FAM217A: variants seen among roughly 807,000 people sequenced by gnomAD.
FAM217A encodes the protein protein FAM217A.
Under a neutral mutation model 18.5 loss-of-function variants are expected in FAM217A, and 13 were observed. The observed-to-expected ratio is 0.70, with a 90% confidence interval of 0.46 to 1.12. The LOEUF (loss-of-function observed/expected upper bound fraction) is 1.12. Among genes scored for constraint, FAM217A ranks in the 50% most tolerant of loss-of-function variants. The pLI is 0.00. For synonymous variants in FAM217A, 161 were observed against 202.8 expected, an observed-to-expected ratio of 0.79 and a Z score of 1.75; for missense variants, 560 against 575.4, an observed-to-expected ratio of 0.97 and a Z score of 0.27.
At position 4,068,791 on chromosome 6, in the gene FAM217A, C is replaced by G. The variant is rs1226066796; in HGVS notation, c.1432G>C (p.Val478Leu). 3 of 1,614,022 alleles carry G rather than the reference C, an allele frequency of 1.9e-6. No homozygotes were observed. Among genetic ancestry groups the G allele is most frequent in the Non-Finnish European group, 2.5e-6 (3 of 1,180,012 alleles). ...TKKKLYRQNI[V>L]LNRPFSIQKL... ...TGAATAGAGAATGGTCTATTCAACA[C>G]TATATTTTGTCGGTAAAGTTTCTTT... Residue 478 changes from valine to leucine, a missense_variant, in exon 7 of 7, where the codon GTG becomes CTG. Physicochemically the swap from Val to Leu is conservative, Grantham distance 32. Coordinates refer to ENST00000274673, the MANE Select transcript of FAM217A (RefSeq NM_173563.3).
intron 4 of FAM217A, 50 bp downstream of exon 4, chr6:4,074,393 T>A (rs1306841692): frequency 2.0e-6 from 3 of 1,484,276 alleles, no homozygotes; most frequent in African/African-American, 1.4e-5. Flanking sequence ...CATACTTATT[T>A]TAAAATCGTA....
Position 4,078,856 on chromosome 6 carries a change from C to A in FAM217A, c.-39G>T. On this transcript the variant is annotated 5_prime_UTR_variant, in exon 1 of 7. Coordinates refer to ENST00000274673, the MANE Select transcript of FAM217A (RefSeq NM_173563.3). ...GGGCCGGGGCTCTCAACCCACCGCG[C>A]GAAGGCCCACGTGTCCTCCCCGGCG... 2 of 470,450 alleles carry A rather than the reference C, an allele frequency of 4.3e-6. No homozygotes were observed. The highest frequency in any genetic ancestry group is 7.6e-6 in the Non-Finnish European group (2 of 263,358). The allele number at this position is 470,450 out of a possible 1,614,324, so 29.1% of individuals were successfully genotyped here. A position where few individuals can be genotyped will look rare whatever the true frequency, so the allele number is the denominator to read the frequency against.
At position 4,078,968 on chromosome 6, in the gene FAM217A, C is replaced by A. The variant is rs376139305; in HGVS notation, c.-151G>T. 9 of 520,286 alleles carry A rather than the reference C, an allele frequency of 1.7e-5. No homozygotes were observed. 32.2% of individuals were successfully genotyped at this position (520,286 alleles called of 1,614,324 possible). ...AGGGCGCCCCCTCTGCCGCGGCCTT[C>A]CTGCAGCGGGGGGACAAAGAGGGCG... On this transcript the variant is annotated 5_prime_UTR_variant, in exon 1 of 7. Transcript: ENST00000274673.
chr6:4,086,902 T>C (rs965686140), intron 1 of FAM217A: 1 of 398,652 alleles, frequency 2.5e-6, no homozygotes, highest in African/African-American at 2.1e-5. Flanking sequence ...TGGTCTGCAA[T>C]GAAGAATGGC....
At chr6:4,084,263 G>A (rs1195816193) in intron 2 of FAM217A, among the ~76,000 whole-genome samples, 1 of 152,174 alleles carries the variant, frequency 6.6e-6, no homozygotes, top group Non-Finnish European at 1.5e-5. Flanking sequence ...GTTGCAAATA[G>A]ATAAGAAATA....
chr6:4,080,084 A>T (rs1187444724), upstream of FAM217A, among the ~76,000 whole-genome samples: 1 of 152,142 alleles, frequency 6.6e-6, no homozygotes, highest in African/African-American at 2.4e-5. Flanking sequence ...ATGAATACTA[A>T]ACATTTGGGG....
chr6:4,072,152 C>T (rs1769461869), intron 6 of FAM217A, among the ~76,000 whole-genome samples: 1 of 151,834 alleles, frequency 6.6e-6, no homozygotes, highest in Non-Finnish European at 1.5e-5. Flanking sequence ...ACCAGCCTGG[C>T]CAAGATGGTA....
rs1295459143 is a variant in FAM217A, at chr6:4,069,093, T to TA, written c.1129dup (p.Tyr377LeufsTer2). 12 of 1,614,224 alleles carry TA rather than the reference T, an allele frequency of 7.4e-6. No individual in the cohort carries two copies. Among genetic ancestry groups the TA allele is most frequent in the South Asian group, 4.4e-5 (4 of 91,084 alleles). On this transcript the variant is annotated frameshift_variant, in exon 7 of 7. Transcript: ENST00000274673. LOFTEE classifies it low-confidence loss of function (END_TRUNC). The stretch of plus-strand genomic sequence containing the variant: ...AGACAGTGGTCTAGAATTCCATCTA[T>TA]ATTTGCCAGCATTGCTCCAATTCCG...
intron 6 of FAM217A, among the ~76,000 whole-genome samples, chr6:4,072,275 G>A (rs757704691): frequency 6.6e-6 from 1 of 152,078 alleles, no homozygotes; most frequent in Non-Finnish European, 1.5e-5. Context: ...GGGAGGCAGA[G>A]GTTGCAGTGA....
At position 4,069,054 on chromosome 6, in the gene FAM217A, G is replaced by A; in HGVS notation, c.1169C>T (p.Ser390Phe). The A allele has an allele frequency of 6.2e-7, 1 of 1,614,002 alleles. No homozygotes were observed. Among genetic ancestry groups the A allele is most frequent in the Non-Finnish European group, 8.5e-7 (1 of 1,179,986 alleles). The part of the protein sequence containing the change: ...NSRPLSLKSS[S>F]TPKQLIETYD... Reference sequence around the variant, plus strand: ...AGTTTCAATCAATTGTTTTGGGGTGGAAGAACTTTTTAGAGACAGTGGTCT... The same window carrying A: ...AGTTTCAATCAATTGTTTTGGGGTGAAAGAACTTTTTAGAGACAGTGGTCT... Residue 390 changes from serine to phenylalanine, a missense_variant, in exon 7 of 7, where the codon TCC (serine) becomes TTC (phenylalanine). Ser to Phe is a radical substitution (Grantham distance 155). Coordinates refer to ENST00000274673, the MANE Select transcript of FAM217A (RefSeq NM_173563.3).
Position 4,068,967 on chromosome 6 carries a change from G to A in FAM217A, c.1256C>T (p.Thr419Ile), listed in dbSNP as rs1319630404. The A allele has an allele frequency of 3.7e-6, 6 of 1,614,138 alleles. No individual in the cohort carries two copies. In the South Asian group the frequency reaches 6.6e-5, roughly 18 times the overall value. The change falls in exon 7 of 7, where the codon ACT becomes ATT. Residue 419 changes from threonine (T) to isoleucine (I), a missense_variant. Thr to Ile is a moderately conservative substitution (Grantham distance 89). Coordinates refer to ENST00000274673, the MANE Select transcript of FAM217A (RefSeq NM_173563.3). ...CATTGATTGATTTGTATGGCCAATAGTAGGTTTGAATGAGAGTTCTTGGCA... is the reference window on the plus strand; with the variant it reads ...CATTGATTGATTTGTATGGCCAATAATAGGTTTGAATGAGAGTTCTTGGCA... ...SPCQELSFKP[T>I]IGHTNQSMVK...
At chr6:4,085,757 C>T (rs556386643) in intron 1 of FAM217A, among the ~76,000 whole-genome samples, 77 of 152,166 alleles carry the variant, frequency 5.1e-4, no homozygotes, top group African/African-American at 1.7e-3. Flanking sequence ...TAAATATGTA[C>T]TTGCATTTAA....
upstream of FAM217A, chr6:4,087,330 C>T: frequency 7.3e-6 from 9 of 1,233,000 alleles, no homozygotes; most frequent in Non-Finnish European, 9.1e-6. Context: ...GGCTGGTTTT[C>T]TCTGCTTTGA....
chr6:4,087,246 A>G (rs1173213129), upstream of FAM217A: 2 of 1,126,690 alleles, frequency 1.8e-6, no homozygotes, highest in Non-Finnish European at 2.2e-6. Context: ...TTCCCCAGAA[A>G]TGGTCCATGT....
At chr6:4,074,553 G>A (rs756218655) in intron 3 of FAM217A, 24 bp downstream of exon 3, 9 of 1,593,622 alleles carry the variant, frequency 5.6e-6, no homozygotes, top group Non-Finnish European at 7.7e-6. Context: ...TTCAGTATAA[G>A]TATACACATC....
chr6:4,085,740 C>T (rs1770615097), intron 1 of FAM217A, among the ~76,000 whole-genome samples: 1 of 152,120 alleles, frequency 6.6e-6, no homozygotes, highest in African/African-American at 2.4e-5. Flanking sequence ...AGTTATATAA[C>T]ATATTTTAAA....
chr6:4,083,552 CTTTTCTT>C (rs761237909), upstream of FAM217A, among the ~76,000 whole-genome samples: 1 of 147,170 alleles, frequency 6.8e-6, no homozygotes, highest in Non-Finnish European at 1.5e-5. Flanking sequence ...CTTTTCTTTT[CTTTTCTT>C]TTTTTTTTTT....
chr6:4,069,571 A>G lies in FAM217A; in HGVS notation c.652T>C (p.Tyr218His), dbSNP rs778469858. 42 of 1,613,918 alleles carry G rather than the reference A, an allele frequency of 2.6e-5. No homozygotes were observed. Among genetic ancestry groups the G allele is most frequent in the Middle Eastern group, 3.3e-4 (2 of 6,082 alleles). ...NEKTNDTLLS[Y>H]FKKVDLNLKP... ...AAGTTCAGGTCCACCTTTTTAAAAT[A>G]GCTGAGTAAAGTATCATTTGTCTTC... Residue 218 changes from tyrosine (Y) to histidine (H), a missense_variant, in exon 7 of 7, where the codon TAT becomes CAT. By Grantham distance (83) the Tyr-to-His change is moderately conservative (BLOSUM62 2). Transcript: ENST00000274673.
In FAM217A at chr6:4,068,933, C is replaced by G; in HGVS notation, c.1290G>C (p.Met430Ile). ...IGHTNQSMVK[M>I]VSTRCLPWRS... ...TCCATGGCAGACATCTTGTGGAGAC[C>G]ATTTTAACCATTGATTGATTTGTAT... is the stretch of plus-strand genomic sequence containing the variant. The change falls in exon 7 of 7, where the codon ATG (methionine) becomes ATC (isoleucine). Residue 430 changes from methionine (M) to isoleucine (I), a missense_variant. Physicochemically the swap from Met to Ile is conservative, Grantham distance 10. Coordinates refer to ENST00000274673, the MANE Select transcript of FAM217A (RefSeq NM_173563.3). 6.2e-7 allele frequency: 1 copy of G among 1,614,082 alleles called. No individual in the cohort carries two copies. The highest frequency in any genetic ancestry group is 8.5e-7 in the Non-Finnish European group (1 of 1,180,018).
Sources: gnomAD v4.1 joint callset for allele counts (sites outside exome capture counted in the v4.1 genomes callset) on GRCh38, gnomAD v4.1.1 for gene constraint, MANE v1.5 for transcripts, NCBI Gene and HGNC (gene_info 2026-07-23, HGNC 2026-07-21) for gene names.